Variants in NDUFA9 observed in about 807,000 individuals in gnomAD.
NDUFA9 encodes the protein NADH dehydrogenase [ubiquinone] 1 alpha subcomplex subunit 9, mitochondrial.
A neutral mutation model predicts 45.9 loss-of-function variants in NDUFA9; 23 were observed. That is an observed-to-expected ratio of 0.50 (90% confidence interval 0.36 to 0.71). NDUFA9 has a LOEUF of 0.71. NDUFA9 is among the 30% of genes least tolerant of loss of function. The probability of loss-of-function intolerance (pLI) is 0.00; values close to 1 mark genes in which losing one functional copy is unlikely to be tolerated. For missense variants in NDUFA9, 466 were observed against 488.2 expected (o/e 0.95, Z 0.43); for synonymous variants, 176 against 170.5 (o/e 1.03, Z -0.25).
At chr12:4,679,240 C>T (rs1391548588) in intron 8 of NDUFA9, among the ~76,000 whole-genome samples, 2 of 151,994 alleles carry the variant, frequency 1.3e-5, no homozygotes, top group Non-Finnish European at 2.9e-5. Flanking sequence ...ATTGCCTGAG[C>T]CTGGGAGTAA....
At chr12:4,657,550 G>T in intron 3 of NDUFA9, 198 bp from the exon 4 acceptor site, 1 of 549,346 alleles carries the variant, frequency 1.8e-6, no homozygotes, top group Non-Finnish European at 3.3e-6. Flanking sequence ...TTACCTGTTT[G>T]TCTCGGAAAG....
At chr12:4,667,308 A>G (rs1945858662) in intron 6 of NDUFA9, among the ~76,000 whole-genome samples, 1 of 152,104 alleles carries the variant, frequency 6.6e-6, no homozygotes, top group South Asian at 2.1e-4. Flanking sequence ...TGAACTTTGG[A>G]GGGAACATAT....
intron 8 of NDUFA9, among the ~76,000 whole-genome samples, chr12:4,670,681 C>A (rs1945881196): frequency 6.6e-6 from 1 of 152,174 alleles, no homozygotes; most frequent in Non-Finnish European, 1.5e-5. Flanking sequence ...GTGTGAAAGT[C>A]TTGGTTTTCC....
At chr12:4,670,949 C>G (rs1945882679) in intron 8 of NDUFA9, among the ~76,000 whole-genome samples, 2 of 152,210 alleles carry the variant, frequency 1.3e-5, no homozygotes, top group Non-Finnish European at 2.9e-5. Context: ...TCCTTTTTAC[C>G]TTTGCCCAGC....
At chr12:4,677,791 T>C (rs189876081) in intron 8 of NDUFA9, among the ~76,000 whole-genome samples, 2 of 152,338 alleles carry the variant, frequency 1.3e-5, no homozygotes, top group African/African-American at 2.4e-5. Context: ...ACTGAGTATA[T>C]ATACCCAAAG....
At chr12:4,684,398 C>T (rs1945971591) in intron 9 of NDUFA9, among the ~76,000 whole-genome samples, 1 of 152,168 alleles carries the variant, frequency 6.6e-6, no homozygotes, top group African/African-American at 2.4e-5. Context: ...ATACTCAACG[C>T]ATGTACTCCC....
rs376091543 is a variant in NDUFA9, at chr12:4,674,762, G to A, written c.800+4945G>A. 2.0e-4 allele frequency among the ~76,000 whole-genome samples: 31 copies of A among 152,188 alleles called. No individual in the cohort carries two copies. In the East Asian group the frequency reaches 3.7e-3, roughly 18 times the overall value. On this transcript the variant is annotated intron_variant, in intron 8 of 10. Transcript: ENST00000266544. ...CACTGTCAATATTAGAAAGATCAACGAGACAGAAAATTAACAAGGATATCC... is the reference window on the plus strand; with the variant it reads ...CACTGTCAATATTAGAAAGATCAACAAGACAGAAAATTAACAAGGATATCC...
At chr12:4,673,151 A>G (rs10774258) in intron 8 of NDUFA9, among the ~76,000 whole-genome samples, 30,487 of 152,202 alleles carry the variant, frequency 0.2, 3,493 homozygotes, top group South Asian at 0.46. Flanking sequence ...GAAAACTAAC[A>G]AACAGAAAAG....
chr12:4,677,003 T>C (rs1208851803), intron 8 of NDUFA9, among the ~76,000 whole-genome samples: 1 of 152,200 alleles, frequency 6.6e-6, no homozygotes, highest in East Asian at 1.9e-4. Context: ...GCCACACATT[T>C]ACAACCATCT....
intron 8 of NDUFA9, among the ~76,000 whole-genome samples, chr12:4,679,947 G>T (rs1945942979): frequency 6.6e-6 from 1 of 152,210 alleles, no homozygotes; most frequent in African/African-American, 2.4e-5. Flanking sequence ...TGGATACAGA[G>T]TGCAAATGAG....
In NDUFA9 at chr12:4,689,807, T is replaced by G. The variant is rs1402685232; in HGVS notation, c.*2699T>G. 1 of 178,556 alleles carries G rather than the reference T, an allele frequency of 5.6e-6. No homozygotes were observed. The highest frequency in any genetic ancestry group is 2.4e-5 in the African/African-American group (1 of 41,812). The allele number at this position is 178,556 out of a possible 1,614,324, so 11.1% of individuals were successfully genotyped here. ...TCATCATGGCCCGTTCTCAATGAGC[T>G]GTTGGGTACACCTCCCAGACGTGGT... On this transcript the variant is annotated 3_prime_UTR_variant, in exon 11 of 11. Coordinates refer to ENST00000266544, the MANE Select transcript of NDUFA9 (RefSeq NM_005002.5).
chr12:4,669,846 T>A (rs781386661), intron 8 of NDUFA9, 29 bp downstream of exon 8: 1 of 1,500,276 alleles, frequency 6.7e-7, no homozygotes, highest in Admixed American at 1.7e-5. Context: ...AATTTTAAAT[T>A]GTGCTATTAT....
intron 7 of NDUFA9, among the ~76,000 whole-genome samples, 177 bp from the exon 8 acceptor site, chr12:4,669,564 A>C (rs969181564): frequency 6.6e-6 from 1 of 152,202 alleles, no homozygotes; most frequent in Non-Finnish European, 1.5e-5. Flanking sequence ...CTTTCTGGGA[A>C]TAGATAATGC....
intron 6 of NDUFA9, among the ~76,000 whole-genome samples, chr12:4,663,887 C>T (rs1945838062): frequency 6.6e-6 from 1 of 151,984 alleles, no homozygotes; most frequent in African/African-American, 2.4e-5. Context: ...TGTAAGGTCT[C>T]AGATGGAAAT....
intron 8 of NDUFA9, among the ~76,000 whole-genome samples, chr12:4,677,213 G>A (rs185033401): frequency 2.4e-3 from 358 of 152,240 alleles, no homozygotes; most frequent in African/African-American, 8.2e-3. Flanking sequence ...AGAAAAGCTA[G>A]GCAATACCAT....
chr12:4,672,211 G>T (rs988555542), intron 8 of NDUFA9, among the ~76,000 whole-genome samples: 1 of 152,162 alleles, frequency 6.6e-6, no homozygotes, highest in Non-Finnish European at 1.5e-5. Context: ...CAGATACTGC[G>T]CTTTTCCCAT....
chr12:4,654,285 G>T lies in NDUFA9; in HGVS notation c.50-7G>T, dbSNP rs761352178. 3.1e-6 allele frequency: 5 copies of T among 1,609,252 alleles called. No homozygotes were observed. The African/African-American group carries it at 5.4e-5, about 17-fold the overall frequency. On this transcript the variant is annotated splice_region_variant and splice_polypyrimidine_tract_variant and intron_variant, in intron 1 of 10. Coordinates refer to ENST00000266544, the MANE Select transcript of NDUFA9 (RefSeq NM_005002.5). ...CCATGCTTGTATACTTTGGGGTTTT[G>T]TTTAAGGTTCTGCCATTACTGCAAT... is the stretch of plus-strand genomic sequence containing the variant.
At position 4,657,850 on chromosome 12, in the gene NDUFA9, G is replaced by A; in HGVS notation, c.410+11G>A. On this transcript the variant is annotated intron_variant, in intron 4 of 10. Transcript: ENST00000266544. Reference sequence around the variant, plus strand: ...AGACTGGGAAACCAAGTAAGTCTTTGACTCTTGTTTCTTCTTTGCTTAAGT... The same window carrying A: ...AGACTGGGAAACCAAGTAAGTCTTTAACTCTTGTTTCTTCTTTGCTTAAGT... The A allele has an allele frequency of 6.3e-7, 1 of 1,598,054 alleles. No homozygotes were observed. The highest frequency in any genetic ancestry group is 8.6e-7 in the Non-Finnish European group (1 of 1,165,548).
At chr12:4,649,233 T>G (rs1344871064) in intron 1 of NDUFA9, 58 bp downstream of exon 1, 1 of 1,558,640 alleles carries the variant, frequency 6.4e-7, no homozygotes, top group Non-Finnish European at 8.7e-7. Context: ...GGATTTAAGG[T>G]TTTGGAAGTG....
Sources: gnomAD v4.1 joint callset for allele counts (sites outside exome capture counted in the v4.1 genomes callset) on GRCh38, gnomAD v4.1.1 for gene constraint, MANE v1.5 for transcripts, NCBI Gene and HGNC (gene_info 2026-07-23, HGNC 2026-07-21) for gene names.